The following CELSR2 variants were observed in gnomAD, a reference collection of about 807,000 sequenced individuals.
CELSR2 encodes EGF-like protein 2.
In CELSR2, 81 loss-of-function variants were observed where a neutral mutation model predicts 251.6. That is an observed-to-expected ratio of 0.32 (90% CI 0.27 to 0.39). The LOEUF is 0.39. Among genes scored for constraint, CELSR2 ranks in the 10% least tolerant of loss-of-function variants. The probability of loss-of-function intolerance (pLI) is 1.00; values close to 1 mark genes in which losing one functional copy is unlikely to be tolerated. For synonymous variants in CELSR2, 1,721 were observed against 1,670.5 expected (o/e 1.03, Z -0.74); for missense variants, 3,365 against 3,947.7 (o/e 0.85, Z 3.96).
intron 15 of CELSR2, 80 bp downstream of exon 15, chr1:109,266,286 G>A (rs1256426610): frequency 4.9e-5 from 75 of 1,531,836 alleles, no homozygotes; most frequent in Non-Finnish European, 6.2e-5. Flanking sequence ...GCTCCTGGCT[G>A]AAGATCCGGG....
chr1:109,251,850 A>G lies in CELSR2; in HGVS notation c.1771A>G (p.Thr591Ala). Residue 591 changes from threonine (T) to alanine (A), a missense_variant, in exon 1 of 34, where the codon ACT becomes GCT. Physicochemically the swap from Thr to Ala is moderately conservative, Grantham distance 58. Transcript: ENST00000271332. This position sits in a 1 kb window ranked among gnomAD's most constrained non-coding sequence, Gnocchi z 4.9. ...TCGAGACCATGGCACTCCAGCACTC[A>G]CTGCCTCGGCCAGTGTCAGCGTGAC... ...EARDHGTPAL[T>A]ASASVSVTVL... The G allele has an allele frequency of 6.2e-7, 1 of 1,614,060 alleles. No homozygotes were observed. Among genetic ancestry groups the G allele is most frequent in the Non-Finnish European group, 8.5e-7 (1 of 1,180,008 alleles).
intron 15 of CELSR2, 54 bp downstream of exon 15, chr1:109,266,260 G>A (rs1159281012): frequency 1.4e-5 from 22 of 1,595,838 alleles, no homozygotes; most frequent in Non-Finnish European, 1.9e-5. Flanking sequence ...TGCTGTTAGT[G>A]GGATGAGGGC....
At chr1:109,272,015 G>T (rs754155778) in intron 28 of CELSR2, among the ~76,000 whole-genome samples, 1 of 152,180 alleles carries the variant, frequency 6.6e-6, no homozygotes, top group Non-Finnish European at 1.5e-5. Context: ...GCTCTCAGGA[G>T]ACAATTTCTG....
In CELSR2 at chr1:109,271,424, T is replaced by C; in HGVS notation, c.7715T>C (p.Leu2572Pro). 1 of 1,614,030 alleles carries C rather than the reference T, an allele frequency of 6.2e-7. No homozygotes were observed. Among genetic ancestry groups the C allele is most frequent in the Non-Finnish European group, 8.5e-7 (1 of 1,180,032 alleles). The change falls in exon 27 of 34, where the codon CTG (leucine) becomes CCG (proline). Residue 2572 changes from leucine (L) to proline (P), a missense_variant. Transcript: ENST00000271332. ...LQPSFAVLLL[L>P]SATWLLALLS... is the part of the protein sequence containing the mutation. Reference sequence around the variant, plus strand: ...CCCTCCTTCGCCGTCCTCCTGCTGCTGAGCGCCACGTGGCTGCTGGCACTG... The same window carrying C: ...CCCTCCTTCGCCGTCCTCCTGCTGCCGAGCGCCACGTGGCTGCTGGCACTG...
rs1381395161 is a variant in CELSR2 at position 109,274,924 on chromosome 1, G to C, written c.*875G>C. 1 of 152,714 alleles carries C rather than the reference G, an allele frequency of 6.5e-6. No individual in the cohort carries two copies. Among genetic ancestry groups the C allele is most frequent in the Non-Finnish European group, 1.5e-5 (1 of 68,160 alleles). 9.5% of individuals were successfully genotyped at this position (152,714 alleles called of 1,614,324 possible). On this transcript the variant is annotated 3_prime_UTR_variant, in exon 34 of 34. Transcript: ENST00000271332. The stretch of plus-strand genomic sequence containing the variant: ...TGCGCTTCTTTGCTGTGATGTGGGT[G>C]GGGGAGGAAGAGTAAACACAGTGCT...
Position 109,272,446 on chromosome 1 carries a change from G to A in CELSR2, c.8054+41G>A, listed in dbSNP as rs567449054. The A allele has an allele frequency of 5.7e-6, 9 of 1,582,064 alleles. No individual in the cohort carries two copies. The African/African-American group carries it at 8.1e-5, about 14-fold the overall frequency. ...GGGAGGGTGGAGGAGGGGAGGAGGG[G>A]CCCACGCATGCTGGACCCAGGCCAG... On this transcript the variant is annotated intron_variant, in intron 29 of 33. Coordinates refer to ENST00000271332, the MANE Select transcript of CELSR2 (RefSeq NM_001408.3).
chr1:109,263,962 C>A, intron 9 of CELSR2, 116 bp from the exon 10 acceptor site: 1 of 1,428,790 alleles, frequency 7.0e-7, no homozygotes, highest in Admixed American at 2.3e-5. Flanking sequence ...GCTTTCCTCT[C>A]TATGGCCTCA....
Position 109,259,814 on chromosome 1 carries a change from G to A in CELSR2, c.3958+735G>A, listed in dbSNP as rs546239130. 6.6e-5 allele frequency among the ~76,000 whole-genome samples: 10 copies of A among 152,258 alleles called. No individual in the cohort carries two copies. In the East Asian group the frequency reaches 1.5e-3, roughly 24 times the overall value. ...TGGTAAAAGAGGATCCTGGCTAGGC[G>A]GCTTCCCTGTTGGCCTGTCAGCCAA... On this transcript the variant is annotated intron_variant, in intron 2 of 33. Transcript: ENST00000271332.
In CELSR2 at chr1:109,251,394, A is replaced by G. The variant is rs146832064; in HGVS notation, c.1315A>G (p.Met439Val). Reference protein sequence around the residue: ...GSNAVVHYSIMSGNARGQFYL... With the variant: ...GSNAVVHYSIVSGNARGQFYL... Reference sequence around the variant, plus strand: ...CAATGCCGTGGTGCACTATAGCATCATGAGTGGCAATGCTCGGGGACAGTT... The same window carrying G: ...CAATGCCGTGGTGCACTATAGCATCGTGAGTGGCAATGCTCGGGGACAGTT... The change falls in exon 1 of 34, where the codon ATG (methionine) becomes GTG (valine). Residue 439 changes from methionine (M) to valine (V), a missense_variant. Met to Val is a conservative substitution (Grantham distance 21). Around this residue, in one of 5 missense-constraint regions of CELSR2, gnomAD observed 704 missense variants for 784.1 expected, o/e 0.90. Transcript: ENST00000271332. This position sits in a 1 kb window ranked among gnomAD's most constrained non-coding sequence, Gnocchi z 4.9. 3.7e-6 allele frequency: 6 copies of G among 1,613,950 alleles called. No homozygotes were observed. Among genetic ancestry groups the G allele is most frequent in the African/African-American group, 1.3e-5 (1 of 74,932 alleles).
chr1:109,271,586 C>G lies in CELSR2; in HGVS notation c.7804-14C>G, dbSNP rs1656373903. 6.2e-7 allele frequency: 1 copy of G among 1,614,020 alleles called. No homozygotes were observed. Among genetic ancestry groups the G allele is most frequent in the South Asian group, 1.1e-5 (1 of 91,086 alleles). On this transcript the variant is annotated splice_polypyrimidine_tract_variant and intron_variant, in intron 27 of 33. Transcript: ENST00000271332. Reference sequence around the variant, plus strand: ...CTGAATATGCACAGACCGTTGCTGCCTCTTGCCTGCCAGGGCCCCTTCATC... The same window carrying G: ...CTGAATATGCACAGACCGTTGCTGCGTCTTGCCTGCCAGGGCCCCTTCATC...
At chr1:109,272,468 C>A (rs1656399988) in intron 29 of CELSR2, 63 bp downstream of exon 29, 1 of 1,563,682 alleles carries the variant, frequency 6.4e-7, no homozygotes, top group Non-Finnish European at 8.7e-7. Flanking sequence ...TGGACCCAGG[C>A]CAGCCAGCTG....
At position 109,252,812 on chromosome 1, in the gene CELSR2, G is replaced by A. The variant is rs753105253; in HGVS notation, c.2733G>A (p.Val911=). Residue 911 remains valine (V), a synonymous_variant, in exon 1 of 34, where the codon GTG becomes GTA. Coordinates refer to ENST00000271332, the MANE Select transcript of CELSR2 (RefSeq NM_001408.3). This position sits in a 1 kb window ranked among gnomAD's most constrained non-coding sequence, Gnocchi z 4.8. ...CACCTATGGAAGTGACAGTCACTGT[G>A]TTGGATGTGAATGACAATCCCCCTG... ...ARTPMEVTVT[V]LDVNDNPPVF... is the part of the protein sequence containing the mutation. 9.3e-6 allele frequency: 15 copies of A among 1,613,922 alleles called. No individual in the cohort carries two copies. Among genetic ancestry groups the A allele is most frequent in the Middle Eastern group, 1.6e-4 (1 of 6,084 alleles).
chr1:109,269,456 T>G lies in CELSR2; in HGVS notation c.6845T>G (p.Val2282Gly), dbSNP rs1656303109. 6.2e-7 allele frequency: 1 copy of G among 1,613,914 alleles called. No individual in the cohort carries two copies. The highest frequency in any genetic ancestry group is 1.3e-5 in the African/African-American group (1 of 74,922). The change falls in exon 21 of 34, where the codon GTG (valine) becomes GGG (glycine). Residue 2282 changes from valine to glycine, a missense_variant. By Grantham distance (109) the Val-to-Gly change is moderately radical. Coordinates refer to ENST00000271332, the MANE Select transcript of CELSR2 (RefSeq NM_001408.3). The surrounding 1 kb of genome is among the most constrained non-coding windows in gnomAD (Gnocchi z 6.4). ...AAACGCCCGATCATCAACACACCCG[T>G]GGTGAGCATCAGCGTCCATGATGAT... Reference protein sequence around the residue: ...VPKRPIINTPVVSISVHDDEE... With the variant: ...VPKRPIINTPGVSISVHDDEE...
In CELSR2 at chr1:109,252,511, A is replaced by G. The variant is rs777270805; in HGVS notation, c.2432A>G (p.Asn811Ser). 1 of 1,613,858 alleles carries G rather than the reference A, an allele frequency of 6.2e-7. No homozygotes were observed. The highest frequency in any genetic ancestry group is 8.5e-7 in the Non-Finnish European group (1 of 1,180,022). ...ATCCTGGTGAACGACGTGAATGACA[A>G]TGCCCCTCAGTTCCTGCGAGACTCC... ...LEILVNDVND[N>S]APQFLRDSYQ... The change falls in exon 1 of 34, where the codon AAT becomes AGT. Residue 811 changes from asparagine to serine, a missense_variant. Coordinates refer to ENST00000271332, the MANE Select transcript of CELSR2 (RefSeq NM_001408.3). The surrounding 1 kb of genome is among the most constrained non-coding windows in gnomAD (Gnocchi z 4.8).
In CELSR2 at chr1:109,261,511, A is replaced by C; in HGVS notation, c.4182-2A>C. On this transcript the variant is annotated splice_acceptor_variant, in intron 3 of 33. Coordinates refer to ENST00000271332, the MANE Select transcript of CELSR2 (RefSeq NM_001408.3). LOFTEE classifies it high-confidence loss of function. The surrounding 1 kb of genome is among the most constrained non-coding windows in gnomAD (Gnocchi z 4.8). ...CTGCCCCCATCCCCAACTCCTGTTC[A>C]GGTTTGCCACAAAGGAGCGCGACGG... is the stretch of plus-strand genomic sequence containing the variant. 6.2e-7 allele frequency: 1 copy of C among 1,613,728 alleles called. No homozygotes were observed. Among genetic ancestry groups the C allele is most frequent in the Non-Finnish European group, 8.5e-7 (1 of 1,179,636 alleles).
chr1:109,261,347 C>T lies in CELSR2; in HGVS notation c.4181+83C>T. The T allele has an allele frequency of 6.9e-7, 1 of 1,455,350 alleles. No homozygotes were observed. The highest frequency in any genetic ancestry group is 9.5e-7 in the Non-Finnish European group (1 of 1,050,388). The allele number at this position is 1,455,350 out of a possible 1,614,324, so 90.2% of individuals were successfully genotyped here. Reference sequence around the variant, plus strand: ...CTGTTCTGTGGTTGAAGTAAGAGGTCAGGCAGTGAAAGCGTGGAGCAGGCT... The same window carrying T: ...CTGTTCTGTGGTTGAAGTAAGAGGTTAGGCAGTGAAAGCGTGGAGCAGGCT... On this transcript the variant is annotated intron_variant, in intron 3 of 33. Transcript: ENST00000271332. This position sits in a 1 kb window ranked among gnomAD's most constrained non-coding sequence, Gnocchi z 4.8.
In CELSR2 at chr1:109,252,206, T is replaced by G; in HGVS notation, c.2127T>G (p.Arg709=). 1 of 1,613,714 alleles carries G rather than the reference T, an allele frequency of 6.2e-7. No homozygotes were observed. The highest frequency in any genetic ancestry group is 8.5e-7 in the Non-Finnish European group (1 of 1,180,030). ...VVNVTDANTH[R]PVFQSSHYTV... Reference sequence around the variant, plus strand: ...ATGTCACCGACGCCAACACCCATCGTCCTGTCTTTCAGAGCTCCCACTATA... The same window carrying G: ...ATGTCACCGACGCCAACACCCATCGGCCTGTCTTTCAGAGCTCCCACTATA... The change falls in exon 1 of 34, where the codon CGT becomes CGG. Residue 709 remains arginine (R), a synonymous_variant. Coordinates refer to ENST00000271332, the MANE Select transcript of CELSR2 (RefSeq NM_001408.3). This position sits in a 1 kb window ranked among gnomAD's most constrained non-coding sequence, Gnocchi z 4.8.
In CELSR2 at chr1:109,261,014, G is replaced by A; in HGVS notation, c.3959-28G>A. 1.3e-6 allele frequency: 2 copies of A among 1,565,374 alleles called. No homozygotes were observed. Among genetic ancestry groups the A allele is most frequent in the South Asian group, 1.2e-5 (1 of 85,980 alleles). Reference sequence around the variant, plus strand: ...TTCCCCTCCTGTCCTCAGGTACTTGGTACTCACCTGCCTTTCCTCTTGTCC... The same window carrying A: ...TTCCCCTCCTGTCCTCAGGTACTTGATACTCACCTGCCTTTCCTCTTGTCC... On this transcript the variant is annotated intron_variant, in intron 2 of 33. Coordinates refer to ENST00000271332, the MANE Select transcript of CELSR2 (RefSeq NM_001408.3). The surrounding 1 kb of genome is among the most constrained non-coding windows in gnomAD (Gnocchi z 4.8).
chr1:109,251,442 G>A lies in CELSR2; in HGVS notation c.1363G>A (p.Ala455Thr), dbSNP rs1313473604. 2 of 1,613,900 alleles carry A rather than the reference G, an allele frequency of 1.2e-6. No individual in the cohort carries two copies. Among genetic ancestry groups the A allele is most frequent in the Admixed American group, 1.7e-5 (1 of 60,028 alleles). Residue 455 changes from alanine to threonine, a missense_variant, in exon 1 of 34, where the codon GCT becomes ACT. Coordinates refer to ENST00000271332, the MANE Select transcript of CELSR2 (RefSeq NM_001408.3). This position sits in a 1 kb window ranked among gnomAD's most constrained non-coding sequence, Gnocchi z 4.9. The stretch of plus-strand genomic sequence containing the variant: ...GTTTTATCTGGATGCCCAGACTGGA[G>A]CTCTGGATGTGGTGAGCCCTCTTGA... ...GQFYLDAQTG[A>T]LDVVSPLDYE...
Sources: gnomAD v4.1 joint callset for allele counts (sites outside exome capture counted in the v4.1 genomes callset) on GRCh38, gnomAD v4.1.1 for gene constraint, gnomAD v4.1.1 regional missense constraint, Gnocchi (gnomAD v3.1) non-coding constraint, MANE v1.5 for transcripts, NCBI Gene and HGNC (gene_info 2026-07-23, HGNC 2026-07-21) for gene names.